Variants in PDZRN4 observed in about 807,000 individuals in gnomAD.
The protein encoded by PDZRN4 is PDZ domain containing ring finger 4, also known as PDZ domain-containing RING finger protein 4.
PDZRN4 carries 70 observed loss-of-function variants against 99.0 expected under a neutral mutation model. The ratio of observed to expected loss-of-function variants is 0.71; its 90% CI spans 0.58 to 0.86. The LOEUF is 0.86. PDZRN4 is among the 40% of genes least tolerant of loss of function. PDZRN4 has a pLI of 0.00. For synonymous variants in PDZRN4, 551 were observed against 501.6 expected (o/e 1.10, Z -1.32); for missense variants, 1,474 against 1,331.2 (o/e 1.11, Z -1.67).
At chr12:41,189,438 A>AT (rs2120624569) in intron 1 of PDZRN4, among the ~76,000 whole-genome samples, 1 of 152,072 alleles carries the variant, frequency 6.6e-6, no homozygotes, top group African/African-American at 2.4e-5. Context: ...GTCTCTGCCT[A>AT]TTTTTTGAGC....
intron 3 of PDZRN4, among the ~76,000 whole-genome samples, chr12:41,489,467 C>T (rs1245481536): frequency 1.3e-5 from 2 of 152,138 alleles, no homozygotes; most frequent in African/African-American, 2.4e-5. Context: ...AGCTGCTCCT[C>T]TCTGTGCACC....
At chr12:41,490,307 A>G (rs972018133) in intron 3 of PDZRN4, among the ~76,000 whole-genome samples, 4 of 152,148 alleles carry the variant, frequency 2.6e-5, no homozygotes, top group African/African-American at 7.2e-5. Context: ...CAAATGGTGA[A>G]ACTAGAAAGA....
intron 7 of PDZRN4, among the ~76,000 whole-genome samples, chr12:41,559,812 G>A (rs1021213983): frequency 1.3e-5 from 2 of 152,108 alleles, no homozygotes; most frequent in Non-Finnish European, 2.9e-5. Flanking sequence ...GAATCATGGG[G>A]GCGGTTACTC....
At chr12:41,470,581 A>T (rs1231940250) in intron 3 of PDZRN4, among the ~76,000 whole-genome samples, 1 of 151,974 alleles carries the variant, frequency 6.6e-6, no homozygotes, top group Non-Finnish European at 1.5e-5. Flanking sequence ...TACATGTGCC[A>T]TGTTGGTGTG....
Position 41,377,617 on chromosome 12 carries a change from T to C in PDZRN4, c.844-128839T>C, listed in dbSNP as rs573996973. Among the ~76,000 whole-genome samples, 6 of 152,064 alleles carry C rather than the reference T, an allele frequency of 3.9e-5. No homozygotes were observed. In the South Asian group the frequency reaches 1.2e-3, roughly 32 times the overall value. On this transcript the variant is annotated intron_variant, in intron 3 of 9. Transcript: ENST00000402685. ...AGGCGGAGCTTGCAGCGAGCTGAGA[T>C]CATGCCACTGCACTCCAGCCTGGTC...
chr12:41,519,213 A>G (rs1425980177), intron 5 of PDZRN4, among the ~76,000 whole-genome samples: 2 of 152,078 alleles, frequency 1.3e-5, no homozygotes, highest in East Asian at 1.9e-4. Flanking sequence ...TCTGCCCCAA[A>G]TCTGCTTGTT....
chr12:41,460,125 C>G, intron 3 of PDZRN4: 1 of 1,235,026 alleles, frequency 8.1e-7, no homozygotes, highest in Non-Finnish European at 1.0e-6. Flanking sequence ...CATAGCCTGC[C>G]TACCACATGT....
chr12:41,441,101 A>C (rs1565583476), intron 3 of PDZRN4, among the ~76,000 whole-genome samples: 1 of 152,026 alleles, frequency 6.6e-6, no homozygotes, highest in Non-Finnish European at 1.5e-5. Context: ...TATTGATGGG[A>C]TGTTCGTTGG....
intron 3 of PDZRN4, among the ~76,000 whole-genome samples, chr12:41,408,031 T>A (rs1179401741): frequency 6.6e-6 from 1 of 152,220 alleles, no homozygotes; most frequent in Non-Finnish European, 1.5e-5. Context: ...TAGAGTGTGA[T>A]GTTTGATAAT....
intron 3 of PDZRN4, among the ~76,000 whole-genome samples, chr12:41,365,282 T>G (rs1951990776): frequency 6.6e-6 from 1 of 152,124 alleles, no homozygotes; most frequent in Admixed American, 6.6e-5. Context: ...TAGCAAATTG[T>G]TTTTCTAGCT....
intron 5 of PDZRN4, among the ~76,000 whole-genome samples, chr12:41,547,823 T>G (rs1255415328): frequency 3.3e-5 from 5 of 152,134 alleles, no homozygotes; most frequent in Non-Finnish European, 7.3e-5. Context: ...GTATAAAATC[T>G]ACACCAAATA....
In PDZRN4 at chr12:41,197,917, TGGG is replaced by T. The variant is rs1566352625; in HGVS notation, c.843+3730_843+3732del. On this transcript the variant is annotated intron_variant, in intron 3 of 9. Coordinates refer to ENST00000402685, the MANE Select transcript of PDZRN4 (RefSeq NM_001164595.2). ...TTCTTCTTCTTTTCCTTGTTTTTTC[TGGG>T]TTTTTTTTTTTGGAGACAGGATCTT... 8.1e-4 allele frequency among the ~76,000 whole-genome samples: 73 copies of T among 90,532 alleles called. 3 individuals are homozygous for T. The highest frequency in any genetic ancestry group is 2.1e-3 in the South Asian group (5 of 2,376). 59.4% of individuals were successfully genotyped at this position (90,532 alleles called of 152,430 possible).
rs540939196 is a variant in PDZRN4, at chr12:41,416,876, T to C, written c.844-89580T>C. Among the ~76,000 whole-genome samples, 148 of 152,334 alleles carry C rather than the reference T, an allele frequency of 9.7e-4. 1 individual carries two copies. The South Asian group carries it at 0.028, about 29-fold the overall frequency. On this transcript the variant is annotated intron_variant, in intron 3 of 9. Coordinates refer to ENST00000402685, the MANE Select transcript of PDZRN4 (RefSeq NM_001164595.2). The stretch of plus-strand genomic sequence containing the variant: ...AGGGTACTCCAGCTGAGTCCAAATA[T>C]GTGTAAACTTTCCCCAGAACACTAC...
chr12:41,450,092 G>C (rs977559651), intron 3 of PDZRN4, among the ~76,000 whole-genome samples: 1 of 151,946 alleles, frequency 6.6e-6, no homozygotes, highest in African/African-American at 2.4e-5. Flanking sequence ...ACAAAGAGTA[G>C]CCTAAGAAAA....
chr12:41,375,776 A>G (rs1223565175), intron 3 of PDZRN4, among the ~76,000 whole-genome samples: 2 of 152,044 alleles, frequency 1.3e-5, no homozygotes, highest in Non-Finnish European at 2.9e-5. Context: ...TGAGGTGACA[A>G]CATTTAAGGT....
At chr12:41,228,673 T>C (rs1180020455) in intron 3 of PDZRN4, among the ~76,000 whole-genome samples, 2 of 152,090 alleles carry the variant, frequency 1.3e-5, no homozygotes, top group African/African-American at 4.8e-5. Flanking sequence ...AATCAGACAA[T>C]TGTAATATCA....
chr12:41,313,616 C>G (rs558791412), intron 3 of PDZRN4, among the ~76,000 whole-genome samples: 2 of 152,300 alleles, frequency 1.3e-5, no homozygotes, highest in South Asian at 4.1e-4. Context: ...ACTTTCTTGA[C>G]TCTCCAAGAG....
intron 3 of PDZRN4, chr12:41,477,881 C>T: frequency 6.5e-7 from 1 of 1,550,240 alleles, no homozygotes; most frequent in Non-Finnish European, 8.7e-7. Flanking sequence ...GACAATTTTT[C>T]CTTAAACCTT....
chr12:41,328,756 A>C (rs1951725464), intron 3 of PDZRN4, among the ~76,000 whole-genome samples: 2 of 152,114 alleles, frequency 1.3e-5, no homozygotes, highest in South Asian at 4.1e-4. Flanking sequence ...GATAACATGT[A>C]TCTGTGACTC....
Sources: gnomAD v4.1 joint callset for allele counts (sites outside exome capture counted in the v4.1 genomes callset) on GRCh38, gnomAD v4.1.1 for gene constraint, MANE v1.5 for transcripts, NCBI Gene and HGNC (gene_info 2026-07-23, HGNC 2026-07-21) for gene names.